TCF12: variants seen among roughly 807,000 people sequenced by gnomAD.
TCF12 encodes the protein transcription factor 12, also known as DNA-binding protein HTF4.
Under a neutral mutation model 86.0 loss-of-function variants are expected in TCF12, and 45 were observed. That is an observed-to-expected ratio of 0.52 (90% CI 0.41 to 0.67). The LOEUF is 0.67. Ranked by LOEUF, TCF12 falls within the 30% of genes least tolerant of loss-of-function variation. The probability of loss-of-function intolerance (pLI) is 0.00; values close to 1 mark genes in which losing one functional copy is unlikely to be tolerated. For missense variants in TCF12, 881 were observed against 859.9 expected (o/e 1.02, Z -0.31); for synonymous variants, 330 against 299.6 (o/e 1.10, Z -1.05).
intron 16 of TCF12, among the ~76,000 whole-genome samples, chr15:57,258,921 G>A (rs1382275138): frequency 6.6e-6 from 1 of 152,026 alleles, no homozygotes; most frequent in African/African-American, 2.4e-5. Context: ...AAATAAATTT[G>A]AAATCATTTT....
chr15:56,994,914 G>A (rs1170590846), intron 3 of TCF12, among the ~76,000 whole-genome samples: 1 of 152,084 alleles, frequency 6.6e-6, no homozygotes, highest in Non-Finnish European at 1.5e-5. Flanking sequence ...GGTAAATATT[G>A]TAGATGGTTT....
chr15:57,222,758 A>ATTTTTTTTTTTT (rs57645813), intron 8 of TCF12, among the ~76,000 whole-genome samples: 2 of 45,522 alleles, frequency 4.4e-5, no homozygotes, highest in Non-Finnish European at 3.6e-5. Flanking sequence ...AAGGACTGCC[A>ATTTTTTTTTTTT]TTTTTTTTTT....
intron 5 of TCF12, among the ~76,000 whole-genome samples, chr15:57,156,382 T>G (rs1300096739): frequency 6.6e-6 from 1 of 152,230 alleles, no homozygotes; most frequent in Non-Finnish European, 1.5e-5. Context: ...ATGACTTATG[T>G]ATCTCACATA....
intron 3 of TCF12, among the ~76,000 whole-genome samples, chr15:56,955,010 A>G (rs1218184093): frequency 6.6e-6 from 1 of 152,232 alleles, no homozygotes; most frequent in Non-Finnish European, 1.5e-5. Flanking sequence ...TCAAGGATCT[A>G]GAACTAGAAA....
At chr15:56,921,531 A>G (rs1358547754) in intron 3 of TCF12, among the ~76,000 whole-genome samples, 1 of 152,038 alleles carries the variant, frequency 6.6e-6, no homozygotes, top group African/African-American at 2.4e-5. Flanking sequence ...ATTTTTCTTA[A>G]GTATGCATTT....
At chr15:57,257,207 A>C (rs1353932508) in intron 16 of TCF12, among the ~76,000 whole-genome samples, 3 of 152,236 alleles carry the variant, frequency 2.0e-5, no homozygotes, top group Middle Eastern at 3.2e-3. Context: ...TTGGCACCTA[A>C]GCAGATATAA....
At chr15:57,041,557 C>G (rs1220978246) in intron 3 of TCF12, among the ~76,000 whole-genome samples, 2 of 152,034 alleles carry the variant, frequency 1.3e-5, no homozygotes, top group East Asian at 1.9e-4. Flanking sequence ...CTAAGTTAAA[C>G]AAAGATCTAG....
At chr15:57,092,266 C>G (rs536040309) in intron 5 of TCF12, among the ~76,000 whole-genome samples, 12 of 152,248 alleles carry the variant, frequency 7.9e-5, no homozygotes, top group South Asian at 2.1e-4. Flanking sequence ...TGTGACATAG[C>G]AGTGATTTTA....
chr15:56,920,140 G>A (rs1430094450), intron 2 of TCF12, 152 bp downstream of exon 2: 5 of 818,970 alleles, frequency 6.1e-6, no homozygotes, highest in Non-Finnish European at 9.7e-6. Flanking sequence ...AGTTCTCAGG[G>A]CTGGAGTCCA....
intron 3 of TCF12, among the ~76,000 whole-genome samples, chr15:56,983,988 T>TGA (rs2063021386): frequency 6.8e-5 from 1 of 14,696 alleles, no homozygotes; most frequent in South Asian, 3.7e-3. Flanking sequence ...GGCAACTGAG[T>TGA]GAGACCCTGT....
At chr15:57,035,840 C>G (rs2566855) in intron 3 of TCF12, among the ~76,000 whole-genome samples, 152,026 of 152,248 alleles carry the variant, frequency 1, 75,903 homozygotes, top group Middle Eastern at 1. Context: ...TGGGAAACCC[C>G]GTTGCACCGC....
chr15:56,992,600 A>G (rs1467805030), intron 3 of TCF12, among the ~76,000 whole-genome samples: 2 of 152,220 alleles, frequency 1.3e-5, no homozygotes, highest in African/African-American at 2.4e-5. Context: ...GCCATTGTGA[A>G]TTTTATAAAG....
intron 3 of TCF12, among the ~76,000 whole-genome samples, chr15:56,968,250 C>T (rs532012768): frequency 3.3e-5 from 5 of 152,192 alleles, no homozygotes; most frequent in African/African-American, 9.6e-5. Flanking sequence ...AGCCACTGCG[C>T]GCAGTCAAGA....
At chr15:57,038,461 AGAGG>A (rs58248667) in intron 3 of TCF12, among the ~76,000 whole-genome samples, 3,829 of 102,236 alleles carry the variant, frequency 0.037, 183 homozygotes, top group African/African-American at 0.12. Context: ...GAGAAGGAAG[AGAGG>A]GAGGGAGGGA....
intron 3 of TCF12, among the ~76,000 whole-genome samples, chr15:56,958,714 T>TGTGTGA (rs1468583208): frequency 7.0e-6 from 1 of 141,972 alleles, no homozygotes; most frequent in Non-Finnish European, 1.6e-5. Context: ...TGTGTGTGTG[T>TGTGTGA]GAAGTGCAAT....
At chr15:57,252,291 T>A (rs2060152778) in intron 14 of TCF12, 130 bp from the exon 15 acceptor site, 1 of 636,124 alleles carries the variant, frequency 1.6e-6, no homozygotes, top group African/African-American at 1.8e-5. Context: ...CTTAATAAAA[T>A]AGATCTCGCA....
chr15:57,051,641 A>T (rs77978791), intron 3 of TCF12, among the ~76,000 whole-genome samples: 2 of 152,222 alleles, frequency 1.3e-5, no homozygotes, highest in African/African-American at 4.8e-5. Context: ...TGACTTCTTA[A>T]GCAGAGAAGA....
chr15:57,118,087 G>A (rs865903609), intron 5 of TCF12, among the ~76,000 whole-genome samples: 39 of 152,136 alleles, frequency 2.6e-4, no homozygotes, highest in South Asian at 2.3e-3. Flanking sequence ...CTAGGATGAG[G>A]TTGCTTGGCC....
In TCF12 at chr15:57,048,416, C is replaced by A. The variant is rs527405341; in HGVS notation, c.149-15334C>A. On this transcript the variant is annotated intron_variant, in intron 3 of 20. Coordinates refer to ENST00000333725, the MANE Select transcript of TCF12 (RefSeq NM_207037.2). ...AGCTGGGACTACAGGCACCCGCCAC[C>A]ACGCCCGGCTAATTTTTTGTATTTT... 1.2e-3 allele frequency among the ~76,000 whole-genome samples: 182 copies of A among 152,264 alleles called. 1 individual carries two copies. The highest frequency in any genetic ancestry group is 4.1e-3 in the African/African-American group (172 of 41,552).
Sources: allele counts gnomAD v4.1 joint callset (sites outside exome capture counted in the v4.1 genomes callset), GRCh38; gene constraint gnomAD v4.1.1; transcripts MANE v1.5; gene names NCBI Gene and HGNC (gene_info 2026-07-23, HGNC 2026-07-21).